The following MARK1 variants were observed in gnomAD, a reference collection of about 807,000 sequenced individuals.
MARK1 encodes the protein microtubule affinity regulating kinase 1.
A neutral mutation model predicts 96.3 loss-of-function variants in MARK1; 40 were observed. The observed-to-expected ratio is 0.42, with a 90% CI of 0.32 to 0.54. The LOEUF (loss-of-function observed/expected upper bound fraction) is 0.54, where lower values mean the gene tolerates loss of function less well. MARK1 is among the 20% of genes least tolerant of loss of function. The pLI is 0.16. For missense variants in MARK1, 719 were observed against 984.6 expected (o/e 0.73, Z 3.61); for synonymous variants, 317 against 341.2 (o/e 0.93, Z 0.78).
intron 9 of MARK1, among the ~76,000 whole-genome samples, chr1:220,621,277 T>C (rs1184697434): frequency 6.6e-6 from 1 of 152,146 alleles, no homozygotes; most frequent in Non-Finnish European, 1.5e-5. Context: ...TTGTTTCCAT[T>C]GTTTTTGATA....
rs759114288 is a variant in MARK1 at position 220,528,893 on chromosome 1, C to G, written c.51+20C>G. On this transcript the variant is annotated intron_variant, in intron 1 of 17. Transcript: ENST00000366917. ...GAAAATGTGAGTAACCGGAGCCTCC[C>G]TCGGGAGCAGTGGGGGCGAGACCCT... 2 of 1,557,504 alleles carry G rather than the reference C, an allele frequency of 1.3e-6. No homozygotes were observed. Among genetic ancestry groups the G allele is most frequent in the Non-Finnish European group, 1.7e-6 (2 of 1,150,588 alleles).
intron 3 of MARK1, among the ~76,000 whole-genome samples, chr1:220,584,393 G>A (rs545845681): frequency 1.3e-5 from 2 of 152,306 alleles, no homozygotes; most frequent in South Asian, 2.1e-4. Flanking sequence ...TTTATAGAAT[G>A]TGAATCGCTT....
chr1:220,577,075 T>A (rs539156524), intron 1 of MARK1, among the ~76,000 whole-genome samples: 15 of 151,986 alleles, frequency 9.9e-5, no homozygotes, highest in African/African-American at 3.6e-4. Flanking sequence ...CTGGCCAACA[T>A]GATGAGACTC....
At chr1:220,621,860 A>G (rs1667070525) in intron 9 of MARK1, among the ~76,000 whole-genome samples, 1 of 152,150 alleles carries the variant, frequency 6.6e-6, no homozygotes, top group Non-Finnish European at 1.5e-5. Flanking sequence ...TTCTGTTGCT[A>G]CCAGACATAA....
chr1:220,647,274 C>T (rs1668633653), intron 13 of MARK1, among the ~76,000 whole-genome samples: 2 of 152,098 alleles, frequency 1.3e-5, no homozygotes, highest in South Asian at 4.1e-4. Context: ...AGAAGACATA[C>T]ACATGGCCAA....
chr1:220,633,262 C>T lies in MARK1; in HGVS notation c.1122+949C>T, dbSNP rs1439985844. Among the ~76,000 whole-genome samples, 3 of 152,120 alleles carry T rather than the reference C, an allele frequency of 2.0e-5. No homozygotes were observed. In the East Asian group the frequency reaches 5.8e-4, roughly 29 times the overall value. ...TTTGGAGGGGACAGAGCATCCAAAC[C>T]ATATCATGAAGCATAAAAGCAATGA... On this transcript the variant is annotated intron_variant, in intron 11 of 17. Transcript: ENST00000366917.
chr1:220,633,947 T>TTAGAGGGGAACACA (rs1667809379), intron 11 of MARK1, among the ~76,000 whole-genome samples: 1 of 152,148 alleles, frequency 6.6e-6, no homozygotes, highest in Admixed American at 6.5e-5. Context: ...GGAGTCTTCA[T>TTAGAGGGGAACACA]TAGAGGGGAA....
chr1:220,624,847 A>G (rs1667238600), intron 9 of MARK1, among the ~76,000 whole-genome samples: 1 of 152,200 alleles, frequency 6.6e-6, no homozygotes, highest in South Asian at 2.1e-4. Context: ...AATTTATAGA[A>G]ACCATATTCT....
chr1:220,606,038 G>A lies in MARK1; in HGVS notation c.495+1901G>A, dbSNP rs188167170. ...CCTTTGGGTATATACCCAGTAATGG[G>A]ATTGCTGGGTCAAATGGTAGTTCTA... On this transcript the variant is annotated intron_variant, in intron 6 of 17. Transcript: ENST00000366917. 7.9e-5 allele frequency among the ~76,000 whole-genome samples: 12 copies of A among 152,258 alleles called. No homozygotes were observed. The East Asian group carries it at 2.3e-3, about 29-fold the overall frequency.
intron 7 of MARK1, among the ~76,000 whole-genome samples, 190 bp downstream of exon 7, chr1:220,616,185 G>A (rs529281677): frequency 5.9e-5 from 9 of 152,270 alleles, no homozygotes; most frequent in African/African-American, 2.2e-4. Flanking sequence ...GAAAATATGA[G>A]TGATAAGTTT....
intron 10 of MARK1, 46 bp from the exon 11 acceptor site, chr1:220,632,155 G>GA: frequency 1.0e-6 from 1 of 959,320 alleles, no homozygotes; most frequent in Non-Finnish European, 1.5e-6. Context: ...ATTTGTTTAC[G>GA]AAAATAAAAC....
chr1:220,634,466 T>G (rs1486929237), intron 11 of MARK1, among the ~76,000 whole-genome samples: 2 of 152,198 alleles, frequency 1.3e-5, no homozygotes, highest in Non-Finnish European at 2.9e-5. Context: ...AGTTTTCTTA[T>G]CTATAAAATG....
intron 16 of MARK1, among the ~76,000 whole-genome samples, chr1:220,655,951 G>A (rs1361803120): frequency 6.6e-6 from 1 of 152,138 alleles, no homozygotes; most frequent in Non-Finnish European, 1.5e-5. Context: ...ATTAAGCACT[G>A]CTTTGGCATT....
intron 1 of MARK1, among the ~76,000 whole-genome samples, chr1:220,560,195 C>T (rs1314235346): frequency 6.6e-6 from 1 of 152,158 alleles, no homozygotes; most frequent in Non-Finnish European, 1.5e-5. Context: ...ATTCGTTTAT[C>T]TCCCACCAGG....
intron 16 of MARK1, among the ~76,000 whole-genome samples, chr1:220,655,155 T>G (rs557331384): frequency 1.1e-4 from 17 of 152,198 alleles, no homozygotes; most frequent in Admixed American, 6.5e-5. Context: ...CTTCTCAGGC[T>G]CCTTTGCTGG....
chr1:220,579,717 A>G (rs748446429), intron 2 of MARK1, among the ~76,000 whole-genome samples, 160 bp downstream of exon 2: 3 of 152,232 alleles, frequency 2.0e-5, no homozygotes, highest in Non-Finnish European at 2.9e-5. Context: ...TTATCACGGC[A>G]TAAAAGTTGA....
At chr1:220,593,330 C>A (rs1202241876) in intron 3 of MARK1, among the ~76,000 whole-genome samples, 1 of 151,896 alleles carries the variant, frequency 6.6e-6, no homozygotes, top group Non-Finnish European at 1.5e-5. Context: ...GTTTAAATGG[C>A]TGATTTTACT....
At chr1:220,562,184 G>A (rs898984236) in intron 1 of MARK1, among the ~76,000 whole-genome samples, 2 of 152,134 alleles carry the variant, frequency 1.3e-5, no homozygotes, top group Admixed American at 6.6e-5. Context: ...ACAAAAACAG[G>A]CCGGTCATGG....
chr1:220,625,749 A>G, intron 9 of MARK1: 1 of 445,412 alleles, frequency 2.2e-6, no homozygotes, highest in Non-Finnish European at 4.6e-6. Context: ...GATGACGCAG[A>G]CACAGGGCAC....
Sources: allele counts gnomAD v4.1 joint callset (sites outside exome capture counted in the v4.1 genomes callset), GRCh38; gene constraint gnomAD v4.1.1; transcripts MANE v1.5; gene names NCBI Gene and HGNC (gene_info 2026-07-23, HGNC 2026-07-21).